The following TRAPPC8 variants were observed in gnomAD, a reference collection of about 807,000 sequenced individuals.
The protein encoded by TRAPPC8 is general sporulation gene 1 homolog.
Under a neutral mutation model 174.3 loss-of-function variants are expected in TRAPPC8, and 54 were observed. The ratio of observed to expected loss-of-function variants is 0.31; its 90% CI spans 0.25 to 0.39. TRAPPC8 has a LOEUF of 0.39. Ranked by LOEUF, TRAPPC8 falls within the 10% of genes least tolerant of loss-of-function variation. The probability of loss-of-function intolerance (pLI) is 1.00; values close to 1 mark genes in which losing one functional copy is unlikely to be tolerated. For missense variants in TRAPPC8, 1,531 were observed against 1,699.1 expected (o/e 0.90, Z 1.74); for synonymous variants, 630 against 579.9 (o/e 1.09, Z -1.24).
At chr18:31,848,278 T>TA (rs1325711030) in intron 25 of TRAPPC8, among the ~76,000 whole-genome samples, 1 of 152,010 alleles carries the variant, frequency 6.6e-6, no homozygotes, top group Non-Finnish European at 1.5e-5. Context: ...CAGTGGGCTT[T>TA]AGGTTCAGGG....
chr18:31,866,815 T>C (rs1257605885), intron 18 of TRAPPC8, 34 bp downstream of exon 18: 18 of 1,597,324 alleles, frequency 1.1e-5, no homozygotes, highest in Admixed American at 3.5e-5. Flanking sequence ...TTTAAGAAAG[T>C]TTTCTAATTG....
intron 1 of TRAPPC8, among the ~76,000 whole-genome samples, chr18:31,942,301 T>C (rs1226663479): frequency 2.6e-5 from 4 of 152,224 alleles, no homozygotes; most frequent in Non-Finnish European, 4.4e-5. Flanking sequence ...GCTATGGCCG[T>C]GGAGAACAGT....
chr18:31,910,611 T>C (rs1459025950), intron 5 of TRAPPC8, among the ~76,000 whole-genome samples: 1 of 152,126 alleles, frequency 6.6e-6, no homozygotes, highest in Non-Finnish European at 1.5e-5. Context: ...AATGAGAGAA[T>C]TTTTGGGTGA....
At chr18:31,849,773 C>T in intron 24 of TRAPPC8, 34 bp from the exon 25 acceptor site, 10 of 1,531,900 alleles carry the variant, frequency 6.5e-6, no homozygotes, top group Non-Finnish European at 8.8e-6. Flanking sequence ...TTCATAAATG[C>T]TTTTAATTAT....
chr18:31,924,374 G>A (rs1470444109), intron 2 of TRAPPC8, among the ~76,000 whole-genome samples: 1 of 150,034 alleles, frequency 6.7e-6, no homozygotes. Flanking sequence ...AGAACTGCTT[G>A]AACTAGGAGG....
At chr18:31,855,149 C>T (rs376069429) in intron 21 of TRAPPC8, among the ~76,000 whole-genome samples, 5 of 151,192 alleles carry the variant, frequency 3.3e-5, no homozygotes, top group African/African-American at 1.2e-4. Flanking sequence ...TTACAGTGAG[C>T]AACCTGGGTG....
chr18:31,928,480 C>T (rs1007361381), intron 2 of TRAPPC8, among the ~76,000 whole-genome samples: 1 of 152,046 alleles, frequency 6.6e-6, no homozygotes, highest in Non-Finnish European at 1.5e-5. Flanking sequence ...TATGATCATA[C>T]CACTGCACAC....
intron 27 of TRAPPC8, among the ~76,000 whole-genome samples, chr18:31,838,913 T>G (rs1023566907): frequency 6.6e-6 from 1 of 152,124 alleles, no homozygotes; most frequent in African/African-American, 2.4e-5. Flanking sequence ...TTCCATCCTA[T>G]CCCCATCCCC....
intron 26 of TRAPPC8, among the ~76,000 whole-genome samples, chr18:31,844,860 C>T (rs2033307611): frequency 6.6e-6 from 1 of 152,040 alleles, no homozygotes. Flanking sequence ...TTAAATGATC[C>T]AACACTGATG....
chr18:31,897,815 C>T lies in TRAPPC8; in HGVS notation c.1567G>A (p.Ala523Thr). Residue 523 changes from alanine to threonine, a missense_variant, in exon 11 of 29, where the codon GCA becomes ACA. Physicochemically the swap from Ala to Thr is moderately conservative, Grantham distance 58. Transcript: ENST00000283351. ...CTGGTCAACCGTATTAGGAGAGCTG[C>T]AGCCTCTGAATATTTGCTTTGGCTT... is the stretch of plus-strand genomic sequence containing the variant. Reference protein sequence around the residue: ...LKSQSKYSEAAALLIRLTSED... With the variant: ...LKSQSKYSEATALLIRLTSED... The T allele has an allele frequency of 2.5e-6, 4 of 1,611,198 alleles. No individual in the cohort carries two copies. Among genetic ancestry groups the T allele is most frequent in the Non-Finnish European group, 3.4e-6 (4 of 1,178,264 alleles).
chr18:31,917,259 A>G (rs1257364013), intron 3 of TRAPPC8, among the ~76,000 whole-genome samples: 2 of 152,100 alleles, frequency 1.3e-5, no homozygotes, highest in Non-Finnish European at 1.5e-5. Flanking sequence ...AGCAGTTAAC[A>G]TTGTTTAGAT....
At chr18:31,881,445 G>A (rs990017461) in intron 12 of TRAPPC8, among the ~76,000 whole-genome samples, 1 of 152,070 alleles carries the variant, frequency 6.6e-6, no homozygotes, top group Non-Finnish European at 1.5e-5. Flanking sequence ...ACCATATACA[G>A]AAGAATGAAA....
intron 25 of TRAPPC8, among the ~76,000 whole-genome samples, 154 bp downstream of exon 25, chr18:31,849,412 T>A (rs566624048): frequency 6.6e-6 from 1 of 152,178 alleles, no homozygotes; most frequent in South Asian, 2.1e-4. Context: ...AATTCTTTTT[T>A]TAGGCCAAAA....
chr18:31,855,866 A>G, intron 20 of TRAPPC8, 59 bp from the exon 21 acceptor site: 1 of 1,519,992 alleles, frequency 6.6e-7, no homozygotes, highest in Non-Finnish European at 8.8e-7. Flanking sequence ...TGTTATAATT[A>G]TCTAATTCCA....
At chr18:31,890,376 T>G (rs958156281) in intron 12 of TRAPPC8, among the ~76,000 whole-genome samples, 1 of 152,182 alleles carries the variant, frequency 6.6e-6, no homozygotes, top group Non-Finnish European at 1.5e-5. Context: ...AAAAGTACTT[T>G]GAAAGAGAAC....
At chr18:31,895,288 G>A (rs2036136561) in intron 11 of TRAPPC8, among the ~76,000 whole-genome samples, 1 of 152,052 alleles carries the variant, frequency 6.6e-6, no homozygotes, top group Non-Finnish European at 1.5e-5. Context: ...TAAATTGTTG[G>A]TAAAGATTTA....
At chr18:31,920,076 A>T (rs2037318773) in intron 2 of TRAPPC8, among the ~76,000 whole-genome samples, 1 of 152,200 alleles carries the variant, frequency 6.6e-6, no homozygotes, top group Non-Finnish European at 1.5e-5. Flanking sequence ...AATGATAAGA[A>T]AATAAGAAAT....
At chr18:31,893,528 T>C (rs918947790) in intron 11 of TRAPPC8, among the ~76,000 whole-genome samples, 17 of 152,178 alleles carry the variant, frequency 1.1e-4, no homozygotes, top group Admixed American at 3.9e-4. Context: ...TGGTTAGATA[T>C]CACAATACCA....
At position 31,870,629 on chromosome 18, in the gene TRAPPC8, A is replaced by T; in HGVS notation, c.2258-127T>A. 7.7e-6 allele frequency: 8 copies of T among 1,039,314 alleles called. No individual in the cohort carries two copies. In the South Asian group the frequency reaches 1.4e-4, roughly 18 times the overall value. 64.4% of individuals were successfully genotyped at this position (1,039,314 alleles called of 1,614,324 possible). A position where few individuals can be genotyped will look rare whatever the true frequency, so the allele number is the denominator to read the frequency against. On this transcript the variant is annotated intron_variant, in intron 15 of 28. Transcript: ENST00000283351. ...TGCCTAGACTGTCCTTTATTACCTT[A>T]TAAATGTCCACGTATTCAGGATTCT...
Sources: allele counts gnomAD v4.1 joint callset (sites outside exome capture counted in the v4.1 genomes callset), GRCh38; gene constraint gnomAD v4.1.1; transcripts MANE v1.5; gene names NCBI Gene and HGNC (gene_info 2026-07-23, HGNC 2026-07-21).